The following TRPM8 variants were observed in gnomAD, a reference collection of about 807,000 sequenced individuals.
TRPM8 encodes the protein TRPM8 cationic channel.
In TRPM8, 110 loss-of-function variants were observed where a neutral mutation model predicts 133.7. The observed-to-expected ratio is 0.82, with a 90% confidence interval of 0.70 to 0.96. The LOEUF (loss-of-function observed/expected upper bound fraction) is 0.96, where lower values mean the gene tolerates loss of function less well. Ranked by LOEUF, TRPM8 falls within the 40% of genes least tolerant of loss-of-function variation. TRPM8 has a pLI of 0.00. For missense variants in TRPM8, 1,291 were observed against 1,379.5 expected (o/e 0.94, Z 1.02); for synonymous variants, 535 against 532.3 (o/e 1.01, Z -0.07).
chr2:233,940,707 G>A (rs1690885218), intron 5 of TRPM8, among the ~76,000 whole-genome samples: 1 of 152,198 alleles, frequency 6.6e-6, no homozygotes, highest in Non-Finnish European at 1.5e-5. Context: ...AGCCATACCC[G>A]CTGTACGTGC....
chr2:234,017,198 C>T, intron 25 of TRPM8, 101 bp from the exon 26 acceptor site: 1 of 406,156 alleles, frequency 2.5e-6, no homozygotes, highest in Non-Finnish European at 5.0e-6. Flanking sequence ...TGGATCTATT[C>T]CCAGTATATT....
At chr2:234,005,927 T>TACACACACAC (rs35379195) in intron 22 of TRPM8, among the ~76,000 whole-genome samples, 7,456 of 135,926 alleles carry the variant, frequency 0.055, 281 homozygotes, top group African/African-American at 0.093. Flanking sequence ...AAACGTCATC[T>TACACACACAC]ACACACACAC....
intron 6 of TRPM8, chr2:233,943,067 C>CTTTGTTT (rs752382228): frequency 5.0e-5 from 9 of 178,544 alleles, no homozygotes; most frequent in African/African-American, 2.4e-4. Context: ...ACTGCAGTAT[C>CTTTGTTT]TTTTTTTTTT....
At chr2:233,969,590 C>T (rs1463698047) in intron 15 of TRPM8, 105 bp from the exon 16 acceptor site, 1 of 712,894 alleles carries the variant, frequency 1.4e-6, no homozygotes, top group Non-Finnish European at 2.5e-6. Flanking sequence ...ATTCAAAGAG[C>T]TGTGTATTTT....
chr2:233,964,822 C>A, intron 14 of TRPM8, 65 bp downstream of exon 14: 1 of 1,500,936 alleles, frequency 6.7e-7, no homozygotes, highest in Non-Finnish European at 9.0e-7. Context: ...ACATTGCCAG[C>A]GGCACTCATA....
chr2:233,969,134 C>A (rs547190905), intron 15 of TRPM8, among the ~76,000 whole-genome samples: 1 of 152,188 alleles, frequency 6.6e-6, no homozygotes, highest in East Asian at 1.9e-4. Flanking sequence ...TGAACGTACA[C>A]AACTATTACT....
intron 9 of TRPM8, among the ~76,000 whole-genome samples, chr2:233,951,268 A>G (rs1478672278): frequency 6.6e-6 from 1 of 152,174 alleles, no homozygotes; most frequent in Non-Finnish European, 1.5e-5. Flanking sequence ...AAAAGCATAT[A>G]AGCAGGCCTT....
rs765798619 is a variant in TRPM8 at position 233,996,398 on chromosome 2, G to A, written c.3012G>A (p.Glu1004=). The A allele has an allele frequency of 1.5e-5, 25 of 1,614,188 alleles. No homozygotes were observed. In the South Asian group the frequency reaches 2.3e-4, roughly 15 times the overall value. ...TCCAGAGGTACTTCCTGGTGCAGGA[G>A]TACTGCAGCCGCCTCAATATCCCCT... is the stretch of plus-strand genomic sequence containing the variant. ...WKFQRYFLVQ[E]YCSRLNIPFP... The change falls in exon 22 of 26, where the codon GAG becomes GAA. Residue 1004 remains glutamate, a synonymous_variant. Transcript: ENST00000324695.
At chr2:233,921,308 C>T (rs979452668) in intron 1 of TRPM8, among the ~76,000 whole-genome samples, 2 of 152,166 alleles carry the variant, frequency 1.3e-5, no homozygotes, top group African/African-American at 4.8e-5. Context: ...TGCCCCTTTA[C>T]AATCACCCCA....
intron 2 of TRPM8, among the ~76,000 whole-genome samples, chr2:233,927,604 C>T (rs1347027548): frequency 6.6e-6 from 1 of 152,088 alleles, no homozygotes; most frequent in African/African-American, 2.4e-5. Flanking sequence ...GCGTTTACCC[C>T]CTTGCTCTCT....
chr2:233,960,721 T>C, intron 11 of TRPM8, 55 bp from the exon 12 acceptor site: 1 of 1,486,186 alleles, frequency 6.7e-7, no homozygotes. Flanking sequence ...GCCTAGTGCT[T>C]TCCTTACCAT....
chr2:233,926,423 C>T, intron 1 of TRPM8, 110 bp from the exon 2 acceptor site: 2 of 787,382 alleles, frequency 2.5e-6, no homozygotes, highest in Non-Finnish European at 4.5e-6. Flanking sequence ...TGGGACATTG[C>T]ACGTGGCAAA....
chr2:233,999,095 C>A (rs568400843), intron 22 of TRPM8, among the ~76,000 whole-genome samples: 6 of 151,224 alleles, frequency 4.0e-5, no homozygotes, highest in East Asian at 1.9e-4. Flanking sequence ...CACCCCGAAA[C>A]TTGGTTTCCT....
chr2:233,944,018 G>T (rs561429937), intron 6 of TRPM8, among the ~76,000 whole-genome samples: 2 of 152,180 alleles, frequency 1.3e-5, no homozygotes, highest in Admixed American at 1.3e-4. Flanking sequence ...AGAGGGGGAG[G>T]AGGAGGCGTT....
At chr2:233,965,553 G>GT (rs1691546226) in intron 14 of TRPM8, among the ~76,000 whole-genome samples, 1 of 152,146 alleles carries the variant, frequency 6.6e-6, no homozygotes, top group South Asian at 2.1e-4. Context: ...GGCCTGCTCA[G>GT]TTTTTTCCAT....
intron 14 of TRPM8, 54 bp from the exon 15 acceptor site, chr2:233,966,554 GTT>G: frequency 6.2e-7 from 1 of 1,608,302 alleles, no homozygotes; most frequent in South Asian, 1.1e-5. Context: ...AAGCAGGACA[GTT>G]TCGGTCATGT....
chr2:233,929,333 G>A (rs1030999857), intron 2 of TRPM8, among the ~76,000 whole-genome samples: 2 of 152,206 alleles, frequency 1.3e-5, no homozygotes, highest in Non-Finnish European at 1.5e-5. Flanking sequence ...GATAAGGCAC[G>A]TGGTCACCCT....
Position 233,921,145 on chromosome 2 carries a change from A to G in TRPM8, c.-6+3713A>G, listed in dbSNP as rs367854165. Among the ~76,000 whole-genome samples, 14 of 152,180 alleles carry G rather than the reference A, an allele frequency of 9.2e-5. No individual in the cohort carries two copies. In the South Asian group the frequency reaches 2.9e-3, roughly 32 times the overall value. ...CAAAGTGCTCGGATTACAGGCATGA[A>G]CTACCACGCCCGGCCCCAGATTTCA... On this transcript the variant is annotated intron_variant, in intron 1 of 25. Transcript: ENST00000324695.
intron 10 of TRPM8, among the ~76,000 whole-genome samples, chr2:233,954,531 T>A (rs1031251649): frequency 2.0e-5 from 3 of 152,244 alleles, no homozygotes; most frequent in Admixed American, 6.5e-5. Context: ...ATGTTACCCA[T>A]AGTAAATAGA....
Sources: allele counts gnomAD v4.1 joint callset (sites outside exome capture counted in the v4.1 genomes callset), GRCh38; gene constraint gnomAD v4.1.1; transcripts MANE v1.5; gene names NCBI Gene and HGNC (gene_info 2026-07-23, HGNC 2026-07-21).